The following CRISPLD1 variants were observed in gnomAD, a reference collection of about 807,000 sequenced individuals.
CRISPLD1 encodes cysteine rich secretory protein LCCL domain containing 1.
In CRISPLD1, 60 loss-of-function variants were observed where a neutral mutation model predicts 77.5. The observed-to-expected ratio is 0.77, with a 90% CI of 0.63 to 0.96. The LOEUF is 0.96. CRISPLD1 is among the 40% of genes least tolerant of loss of function. CRISPLD1 has a pLI of 0.00. For missense variants in CRISPLD1, 623 were observed against 615.8 expected (o/e 1.01, Z -0.12); for synonymous variants, 195 against 200.1 (o/e 0.97, Z 0.22).
At chr8:74,992,131 G>C (rs1184993078) in intron 2 of CRISPLD1, among the ~76,000 whole-genome samples, 3 of 152,170 alleles carry the variant, frequency 2.0e-5, no homozygotes, top group African/African-American at 7.2e-5. Flanking sequence ...TGAGGGGATG[G>C]ATGGATGAAT....
At position 75,019,959 on chromosome 8, in the gene CRISPLD1, T is replaced by C. The variant is rs752192769; in HGVS notation, c.1171+46T>C. On this transcript the variant is annotated intron_variant, in intron 11 of 14. Coordinates refer to ENST00000262207, the MANE Select transcript of CRISPLD1 (RefSeq NM_031461.6). ...ATTTTCTTAGTACTGTGTAGTATGT[T>C]ACTGCTTTCAAAGGATTCACTCATT... The C allele has an allele frequency of 2.7e-5, 44 of 1,610,394 alleles. No homozygotes were observed. In the South Asian group the frequency reaches 4.6e-4, roughly 17 times the overall value.
intron 2 of CRISPLD1, among the ~76,000 whole-genome samples, chr8:74,990,613 T>TC (rs11373043): frequency 0.44 from 66,397 of 151,758 alleles, 17,255 homozygotes; most frequent in African/African-American, 0.74. Context: ...CATTGGACCA[T>TC]TCCATGTACT....
chr8:75,029,837 TATTTA>T (rs1449164509), intron 14 of CRISPLD1, among the ~76,000 whole-genome samples: 9 of 152,218 alleles, frequency 5.9e-5, no homozygotes, highest in Non-Finnish European at 4.4e-5. Context: ...ATTAGTTTTA[TATTTA>T]ATTCTTTCTA....
At chr8:75,021,541 A>T (rs113046515) in intron 12 of CRISPLD1, among the ~76,000 whole-genome samples, 1 of 152,182 alleles carries the variant, frequency 6.6e-6, no homozygotes, top group Non-Finnish European at 1.5e-5. Context: ...GAAGTGCATC[A>T]TATACTTTTT....
At chr8:74,989,161 G>T (rs766804574) in intron 2 of CRISPLD1, among the ~76,000 whole-genome samples, 2 of 152,196 alleles carry the variant, frequency 1.3e-5, no homozygotes, top group African/African-American at 2.4e-5. Flanking sequence ...CAGGCTGGTT[G>T]TGGGGAACTG....
rs568528895 is a variant in CRISPLD1, at chr8:74,996,675, A to C, written c.258+10430A>C. ...TATTCCATAACAGGGTAAGTATTAG[A>C]AAATAAGGTAGACATACCAGCATGA... On this transcript the variant is annotated intron_variant, in intron 2 of 14. Transcript: ENST00000262207. Among the ~76,000 whole-genome samples the C allele has an allele frequency of 3.8e-4, 58 of 151,790 alleles. 1 individual carries two copies. Among genetic ancestry groups the C allele is most frequent in the African/African-American group, 1.4e-3 (56 of 41,412 alleles).
chr8:74,995,192 CAAAG>C (rs961476052), intron 2 of CRISPLD1, among the ~76,000 whole-genome samples: 10 of 152,038 alleles, frequency 6.6e-5, no homozygotes, highest in African/African-American at 2.4e-4. Flanking sequence ...AGGAAAAACA[CAAAG>C]AAAATTGAGA....
chr8:75,022,153 G>C (rs541382105), intron 12 of CRISPLD1, among the ~76,000 whole-genome samples: 3 of 152,034 alleles, frequency 2.0e-5, no homozygotes, highest in Non-Finnish European at 4.4e-5. Flanking sequence ...ATTCATTTTA[G>C]CCTTTACTGT....
chr8:74,997,260 G>C (rs978033052), intron 2 of CRISPLD1, among the ~76,000 whole-genome samples: 2 of 152,150 alleles, frequency 1.3e-5, no homozygotes, highest in Non-Finnish European at 2.9e-5. Context: ...TAGGGGTAAA[G>C]ATGGAGAAGG....
intron 2 of CRISPLD1, among the ~76,000 whole-genome samples, chr8:74,996,798 A>G (rs779411954): frequency 1.2e-4 from 17 of 137,856 alleles, no homozygotes; most frequent in Non-Finnish European, 2.6e-4. Flanking sequence ...GGCTCACTGC[A>G]GCATCAAATT....
At position 75,033,305 on chromosome 8, in the gene CRISPLD1, T is replaced by C. The variant is rs960883602; in HGVS notation, c.*1063T>C. ...TAAAATTAATCATGTTTCAAAGTTTTATTTTCAGTTCCTTTTGCATGCCTA... is the reference window on the plus strand; with the variant it reads ...TAAAATTAATCATGTTTCAAAGTTTCATTTTCAGTTCCTTTTGCATGCCTA... On this transcript the variant is annotated 3_prime_UTR_variant, in exon 15 of 15. Coordinates refer to ENST00000262207, the MANE Select transcript of CRISPLD1 (RefSeq NM_031461.6). 4 of 152,386 alleles carry C rather than the reference T, an allele frequency of 2.6e-5. No homozygotes were observed. The highest frequency in any genetic ancestry group is 5.9e-5 in the Non-Finnish European group (4 of 67,890). The allele number at this position is 152,386 out of a possible 1,614,324, so 9.4% of individuals were successfully genotyped here.
chr8:74,995,330 CAT>C, intron 2 of CRISPLD1, among the ~76,000 whole-genome samples: 1 of 152,328 alleles, frequency 6.6e-6, no homozygotes, highest in South Asian at 2.1e-4. Context: ...AATTTTATAA[CAT>C]ATTTGACAAT....
chr8:75,013,215 C>A (rs1026877920), intron 4 of CRISPLD1, among the ~76,000 whole-genome samples, 193 bp downstream of exon 4: 2 of 151,998 alleles, frequency 1.3e-5, no homozygotes, highest in Non-Finnish European at 2.9e-5. Flanking sequence ...AAAGTCCAAA[C>A]ATCTACTTAA....
At chr8:74,988,484 C>T (rs897287779) in intron 2 of CRISPLD1, among the ~76,000 whole-genome samples, 3 of 152,094 alleles carry the variant, frequency 2.0e-5, no homozygotes, top group Non-Finnish European at 4.4e-5. Context: ...TATATCCAGA[C>T]ATTATTAATA....
intron 2 of CRISPLD1, among the ~76,000 whole-genome samples, chr8:75,010,318 C>T (rs1326045353): frequency 6.6e-6 from 1 of 152,048 alleles, no homozygotes; most frequent in Non-Finnish European, 1.5e-5. Flanking sequence ...TTTCTTTTTA[C>T]ATGCCTCTTT....
Position 75,034,100 on chromosome 8 carries a change from A to G in CRISPLD1, c.*1858A>G, listed in dbSNP as rs1001518908. The G allele has an allele frequency of 1.3e-5, 2 of 152,136 alleles. No homozygotes were observed. Among genetic ancestry groups the G allele is most frequent in the South Asian group, 4.2e-4 (2 of 4,818 alleles). 9.4% of individuals were successfully genotyped at this position (152,136 alleles called of 1,614,324 possible). A position where few individuals can be genotyped will look rare whatever the true frequency, so the allele number is the denominator to read the frequency against. On this transcript the variant is annotated 3_prime_UTR_variant, in exon 15 of 15. Transcript: ENST00000262207. ...GTGTCTTTCTCCATTCCTTTTTAAT[A>G]CATTCGTATTTCCCAGCCCCAGAAC...
intron 2 of CRISPLD1, among the ~76,000 whole-genome samples, chr8:74,993,455 G>A (rs1812604068): frequency 6.6e-6 from 1 of 151,904 alleles, no homozygotes; most frequent in Non-Finnish European, 1.5e-5. Context: ...TTTTCCTAAG[G>A]TGTTTTTGCT....
At position 75,009,609 on chromosome 8, in the gene CRISPLD1, G is replaced by A. The variant is rs150411985; in HGVS notation, c.259-2824G>A. On this transcript the variant is annotated intron_variant, in intron 2 of 14. Coordinates refer to ENST00000262207, the MANE Select transcript of CRISPLD1 (RefSeq NM_031461.6). ...TTAAAAAAAAAAAACCTACAGATAA[G>A]TGTAGTTATGTCCTATGTATAACTA... is the stretch of plus-strand genomic sequence containing the variant. Among the ~76,000 whole-genome samples, 675 of 151,478 alleles carry A rather than the reference G, an allele frequency of 4.5e-3. 3 individuals are homozygous for A. The highest frequency in any genetic ancestry group is 0.015 in the African/African-American group (628 of 41,374).
rs201687613 is a variant in CRISPLD1 at position 74,993,843 on chromosome 8, T to TA, written c.258+7599dup. ...AAATGCCAGGCACTATCTAGGGTTC[T>TA]AGTAGTAAACAGAACAAACATTCTT... On this transcript the variant is annotated intron_variant, in intron 2 of 14. Transcript: ENST00000262207. Among the ~76,000 whole-genome samples the TA allele has an allele frequency of 3.1e-3, 466 of 152,338 alleles. 2 individuals are homozygous for TA. The highest frequency in any genetic ancestry group is 0.011 in the African/African-American group (448 of 41,580).
Sources: allele counts gnomAD v4.1 joint callset (sites outside exome capture counted in the v4.1 genomes callset), GRCh38; gene constraint gnomAD v4.1.1; transcripts MANE v1.5; gene names NCBI Gene and HGNC (gene_info 2026-07-23, HGNC 2026-07-21).